SLC39A11: variants seen among roughly 807,000 people sequenced by gnomAD.
SLC39A11 encodes the protein solute carrier family 39 member 11.
In SLC39A11, 33 loss-of-function variants were observed where a neutral mutation model predicts 36.1. The observed-to-expected ratio is 0.91, with a 90% CI of 0.69 to 1.22. The LOEUF (loss-of-function observed/expected upper bound fraction) is 1.22. Among genes scored for constraint, SLC39A11 ranks in the 50% most tolerant of loss-of-function variants. The pLI, the probability that SLC39A11 is intolerant of heterozygous loss-of-function variation, is 0.00. For synonymous variants in SLC39A11, 166 were observed against 170.3 expected (o/e 0.97, Z 0.20); for missense variants, 432 against 430.3 (o/e 1.00, Z -0.03).
At chr17:72,852,228 A>AAAAAAAAAAAAAAAAAAAAAAAAC (rs1491123331) in intron 5 of SLC39A11, among the ~76,000 whole-genome samples, 4 of 134,828 alleles carry the variant, frequency 3.0e-5, no homozygotes, top group Non-Finnish European at 6.5e-5. Context: ...AAAAAAAAAA[A>AAAAAAAAAAAAAAAAAAAAAAAAC]CAGAAAGAAA....
At chr17:73,050,615 C>T (rs1040878598) in intron 3 of SLC39A11, among the ~76,000 whole-genome samples, 2 of 152,072 alleles carry the variant, frequency 1.3e-5, no homozygotes, top group East Asian at 3.8e-4. Context: ...AGGCACGCAC[C>T]ACCACACCCA....
At chr17:72,760,017 G>C (rs758453210) in intron 6 of SLC39A11, among the ~76,000 whole-genome samples, 1 of 152,094 alleles carries the variant, frequency 6.6e-6, no homozygotes, top group Non-Finnish European at 1.5e-5. Flanking sequence ...GTCACATATA[G>C]GTTTTGTGAA....
chr17:72,855,896 C>CA (rs74402514), intron 5 of SLC39A11, among the ~76,000 whole-genome samples: 2,155 of 126,674 alleles, frequency 0.017, 57 homozygotes, highest in East Asian at 0.09. Flanking sequence ...GAATCCGTCT[C>CA]AAAAAAAAAA....
chr17:73,086,972 T>G (rs2060752661), intron 2 of SLC39A11, among the ~76,000 whole-genome samples: 1 of 150,582 alleles, frequency 6.6e-6, no homozygotes, highest in South Asian at 2.1e-4. Context: ...AGAAGAACCT[T>G]TTGAACCTGG....
intron 3 of SLC39A11, among the ~76,000 whole-genome samples, chr17:73,055,546 C>T (rs986185081): frequency 2.0e-5 from 3 of 151,846 alleles, no homozygotes; most frequent in African/African-American, 7.3e-5. Context: ...ATCCTCTCAC[C>T]TCACCCTCCC....
intron 5 of SLC39A11, among the ~76,000 whole-genome samples, chr17:72,914,206 C>T (rs1466690756): frequency 1.3e-5 from 2 of 151,608 alleles, no homozygotes; most frequent in Non-Finnish European, 2.9e-5. Flanking sequence ...GTCCCAGCTA[C>T]TCGGGAGGCT....
chr17:72,951,572 A>G (rs140430676), intron 4 of SLC39A11, among the ~76,000 whole-genome samples: 126 of 152,288 alleles, frequency 8.3e-4, no homozygotes, highest in South Asian at 3.7e-3. Flanking sequence ...GAGACAGATG[A>G]TAATAAACCC....
At chr17:72,908,785 T>C (rs1000072763) in intron 5 of SLC39A11, among the ~76,000 whole-genome samples, 11 of 152,110 alleles carry the variant, frequency 7.2e-5, no homozygotes, top group African/African-American at 2.7e-4. Flanking sequence ...CAAATCCCAA[T>C]TGGATGGGTA....
At chr17:72,835,383 TGGTAGAGTTTGGG>T (rs1276776407) in intron 6 of SLC39A11, among the ~76,000 whole-genome samples, 1 of 152,088 alleles carries the variant, frequency 6.6e-6, no homozygotes, top group African/African-American at 2.4e-5. Flanking sequence ...AGTAGGTGGG[TGGTAGAGTTTGGG>T]GGAAGAGGAG....
At chr17:73,022,619 A>AAG (rs1483921707) in intron 4 of SLC39A11, among the ~76,000 whole-genome samples, 3 of 151,044 alleles carry the variant, frequency 2.0e-5, no homozygotes, top group Non-Finnish European at 4.4e-5. Context: ...AAAAAAAAAA[A>AAG]AGAATCGGCC....
chr17:72,897,379 C>T (rs2082086560), intron 5 of SLC39A11, among the ~76,000 whole-genome samples: 1 of 152,210 alleles, frequency 6.6e-6, no homozygotes, highest in Admixed American at 6.5e-5. Context: ...GCACTAGCCA[C>T]ACTTCGGGGC....
At chr17:72,776,871 C>T (rs1034062998) in intron 6 of SLC39A11, among the ~76,000 whole-genome samples, 1 of 152,222 alleles carries the variant, frequency 6.6e-6, no homozygotes, top group African/African-American at 2.4e-5. Flanking sequence ...CCACCCCTCA[C>T]CAAGTCCCCT....
At chr17:73,011,925 G>T (rs1424228265) in intron 4 of SLC39A11, among the ~76,000 whole-genome samples, 1 of 150,878 alleles carries the variant, frequency 6.6e-6, no homozygotes, top group Non-Finnish European at 1.5e-5. Context: ...GCCTCCCAAA[G>T]TGTTGGGATT....
At chr17:72,733,244 G>A (rs951444216) in intron 7 of SLC39A11, among the ~76,000 whole-genome samples, 1 of 152,132 alleles carries the variant, frequency 6.6e-6, no homozygotes. Context: ...CTTAGTCCTT[G>A]GCTGTGTAGT....
rs532422699 is a variant in SLC39A11 at position 73,044,252 on chromosome 17, A to T, written c.148-12538T>A. Among the ~76,000 whole-genome samples the T allele has an allele frequency of 4.6e-5, 7 of 152,358 alleles. No homozygotes were observed. In the South Asian group the frequency reaches 1.5e-3, roughly 32 times the overall value. On this transcript the variant is annotated intron_variant, in intron 3 of 9. Coordinates refer to ENST00000255559, the MANE Select transcript of SLC39A11 (RefSeq NM_139177.4). ...CACAAAGACTTGCACAAGAATGTTC[A>T]CAGCAGCTTTATTCACAGTAGCCCC...
chr17:72,901,789 T>G (rs906828964), intron 5 of SLC39A11, among the ~76,000 whole-genome samples: 3 of 152,102 alleles, frequency 2.0e-5, no homozygotes, highest in African/African-American at 4.8e-5. Context: ...CTTAACAGGG[T>G]TGATTATGGG....
intron 6 of SLC39A11, among the ~76,000 whole-genome samples, chr17:72,760,628 C>A (rs1184341857): frequency 6.6e-6 from 1 of 152,178 alleles, no homozygotes; most frequent in African/African-American, 2.4e-5. Context: ...ACTGGGAAAC[C>A]ATTTAAAGGA....
intron 5 of SLC39A11, among the ~76,000 whole-genome samples, chr17:72,945,207 T>C (rs2085361772): frequency 6.6e-6 from 1 of 152,276 alleles, no homozygotes; most frequent in Non-Finnish European, 1.5e-5. Context: ...AATAGGAAAG[T>C]ATCTCATAAA....
chr17:72,797,199 G>A (rs922210416), intron 6 of SLC39A11, among the ~76,000 whole-genome samples: 61 of 152,126 alleles, frequency 4.0e-4, no homozygotes, highest in African/African-American at 1.3e-3. Flanking sequence ...ACAAATACCC[G>A]CCATCCAAAG....
Sources: gnomAD v4.1 joint callset for allele counts (sites outside exome capture counted in the v4.1 genomes callset) on GRCh38, gnomAD v4.1.1 for gene constraint, MANE v1.5 for transcripts, NCBI Gene and HGNC (gene_info 2026-07-23, HGNC 2026-07-21) for gene names.